Variants in CEP128 observed in about 807,000 individuals in gnomAD.
The protein encoded by CEP128 is centrosomal protein 128kDa.
CEP128 carries 132 observed loss-of-function variants against 156.7 expected under a neutral mutation model. That is an observed-to-expected ratio of 0.84 (90% CI 0.73 to 0.97). CEP128 has a LOEUF of 0.97. Ranked by LOEUF, CEP128 falls within the 50% of genes least tolerant of loss-of-function variation. CEP128 has a pLI of 0.00. For synonymous variants in CEP128, 469 were observed against 448.9 expected (o/e 1.04, Z -0.57); for missense variants, 1,252 against 1,281.9 (o/e 0.98, Z 0.36).
intron 19 of CEP128, among the ~76,000 whole-genome samples, chr14:80,597,002 C>G (rs765279798): frequency 2.0e-4 from 28 of 138,530 alleles, no homozygotes; most frequent in Non-Finnish European, 4.0e-4. Flanking sequence ...ATGCTCCCAC[C>G]TCAAGAACCT....
intron 19 of CEP128, among the ~76,000 whole-genome samples, chr14:80,741,081 C>T (rs986140467): frequency 7.9e-5 from 12 of 152,108 alleles, no homozygotes; most frequent in African/African-American, 2.7e-4. Context: ...ATAGCCAAAA[C>T]TACAACCACC....
At chr14:80,740,906 A>G (rs1898799715) in intron 19 of CEP128, among the ~76,000 whole-genome samples, 4 of 152,174 alleles carry the variant, frequency 2.6e-5, no homozygotes, top group Admixed American at 2.6e-4. Context: ...GCATGGGGGC[A>G]GTGAGGAATT....
intron 8 of CEP128, among the ~76,000 whole-genome samples, chr14:80,867,093 T>C (rs1887802499): frequency 6.6e-6 from 1 of 152,204 alleles, no homozygotes; most frequent in African/African-American, 2.4e-5. Flanking sequence ...CTTTATGGCT[T>C]CTCTTTGGCA....
At chr14:80,553,999 A>G (rs1890324179) in intron 21 of CEP128, among the ~76,000 whole-genome samples, 1 of 152,202 alleles carries the variant, frequency 6.6e-6, no homozygotes, top group African/African-American at 2.4e-5. Flanking sequence ...GAATTTTTCC[A>G]TATGACCTTT....
At chr14:80,924,139 T>C (rs183731822) in intron 2 of CEP128, among the ~76,000 whole-genome samples, 1 of 152,336 alleles carries the variant, frequency 6.6e-6, no homozygotes, top group African/African-American at 2.4e-5. Flanking sequence ...GAAAATGAAC[T>C]AAGAGTTTCA....
At chr14:80,646,994 A>AATATATAT (rs372341494) in intron 19 of CEP128, among the ~76,000 whole-genome samples, 48 of 76,586 alleles carry the variant, frequency 6.3e-4, no homozygotes, top group African/African-American at 1.4e-3. Context: ...ATTTATAAGA[A>AATATATAT]ATATATATAT....
At chr14:80,642,987 C>G (rs1894485942) in intron 19 of CEP128, among the ~76,000 whole-genome samples, 1 of 152,076 alleles carries the variant, frequency 6.6e-6, no homozygotes, top group Non-Finnish European at 1.5e-5. Context: ...ATCTCCTGAC[C>G]TCGTGATCTG....
At chr14:80,747,849 T>C (rs1899183715) in intron 18 of CEP128, among the ~76,000 whole-genome samples, 3 of 152,158 alleles carry the variant, frequency 2.0e-5, no homozygotes, top group Admixed American at 2.0e-4. Context: ...GAAAGATTAG[T>C]GGCAGACTAG....
At chr14:80,624,275 T>C (rs1893615069) in intron 19 of CEP128, among the ~76,000 whole-genome samples, 1 of 152,158 alleles carries the variant, frequency 6.6e-6, no homozygotes, top group South Asian at 2.1e-4. Flanking sequence ...TCATGGCTTC[T>C]TTTTTATCCC....
intron 13 of CEP128, among the ~76,000 whole-genome samples, chr14:80,808,337 T>A (rs369456680): frequency 1.3e-5 from 2 of 152,264 alleles, no homozygotes; most frequent in African/African-American, 4.8e-5. Context: ...CCTCCCCACC[T>A]CTGCATGACT....
chr14:80,482,746 AG>A (rs556926265), intron 14 of CEP128, among the ~76,000 whole-genome samples: 58 of 152,362 alleles, frequency 3.8e-4, no homozygotes, highest in African/African-American at 1.3e-3. Context: ...TTTAGTAGAA[AG>A]GGTTGTGAAT....
At chr14:80,613,448 G>A (rs1335322214) in intron 19 of CEP128, among the ~76,000 whole-genome samples, 3 of 150,070 alleles carry the variant, frequency 2.0e-5, no homozygotes, top group South Asian at 4.2e-4. Flanking sequence ...GACTACAGGC[G>A]CCCGCCACCA....
chr14:80,898,553 C>G (rs1443230495), intron 7 of CEP128, among the ~76,000 whole-genome samples: 1 of 152,128 alleles, frequency 6.6e-6, no homozygotes, highest in Non-Finnish European at 1.5e-5. Flanking sequence ...TTAAACTAAT[C>G]AACTAAATCA....
At chr14:80,741,757 T>A (rs768898851) in intron 19 of CEP128, among the ~76,000 whole-genome samples, 21 of 152,276 alleles carry the variant, frequency 1.4e-4, no homozygotes, top group Non-Finnish European at 2.9e-4. Context: ...GTAAAGAGAA[T>A]CACATATAAA....
intron 8 of CEP128, among the ~76,000 whole-genome samples, chr14:80,880,908 A>AATT (rs201311205): frequency 0.039 from 5,261 of 133,512 alleles, 340 homozygotes; most frequent in East Asian, 0.29. Context: ...TAATAATAAT[A>AATT]ATTTCAGTAA....
chr14:80,657,518 G>A (rs1016108437), intron 19 of CEP128, among the ~76,000 whole-genome samples: 11 of 151,980 alleles, frequency 7.2e-5, no homozygotes, highest in African/African-American at 7.3e-5. Context: ...AGAAGTGGTG[G>A]TGCGCGCCTG....
At chr14:80,878,446 A>C (rs1888383641) in intron 8 of CEP128, among the ~76,000 whole-genome samples, 1 of 152,180 alleles carries the variant, frequency 6.6e-6, no homozygotes, top group African/African-American at 2.4e-5. Context: ...ACCATTCCTC[A>C]GTCCTTGCTG....
chr14:80,900,570 C>G (rs1200892456), intron 6 of CEP128, among the ~76,000 whole-genome samples: 1 of 152,132 alleles, frequency 6.6e-6, no homozygotes, highest in East Asian at 1.9e-4. Context: ...ACACTTGGAA[C>G]CATGTACAAG....
intron 19 of CEP128, among the ~76,000 whole-genome samples, chr14:80,712,488 C>T (rs1270265099): frequency 6.6e-6 from 1 of 152,108 alleles, no homozygotes; most frequent in Admixed American, 6.6e-5. Context: ...TCACACTGTC[C>T]CTGGAAGGAC....
Sources: gnomAD v4.1 joint callset for allele counts (sites outside exome capture counted in the v4.1 genomes callset) on GRCh38, gnomAD v4.1.1 for gene constraint, MANE v1.5 for transcripts, NCBI Gene and HGNC (gene_info 2026-07-23, HGNC 2026-07-21) for gene names.